Variants in LRRC4C observed in about 807,000 individuals in gnomAD.
LRRC4C encodes the protein leucine-rich repeat-containing protein 4C.
A neutral mutation model predicts 33.6 loss-of-function variants in LRRC4C; 5 were observed. The observed-to-expected ratio is 0.15, with a 90% CI of 0.08 to 0.31. The LOEUF is 0.31. Among genes scored for constraint, LRRC4C ranks in the 10% least tolerant of loss-of-function variants. LRRC4C has a pLI of 1.00. For synonymous variants in LRRC4C, 329 were observed against 302.0 expected, an observed-to-expected ratio of 1.09 and a Z score of -0.93; for missense variants, 560 against 796.7, an observed-to-expected ratio of 0.70 and a Z score of 3.58.
intron 3 of LRRC4C, among the ~76,000 whole-genome samples, chr11:40,334,038 C>T (rs1442245625): frequency 6.6e-6 from 1 of 152,020 alleles, no homozygotes; most frequent in African/African-American, 2.4e-5. Context: ...ACATAAACAA[C>T]AACAACAAAA....
intron 6 of LRRC4C, among the ~76,000 whole-genome samples, chr11:40,140,527 C>G (rs1256256286): frequency 1.3e-5 from 2 of 152,054 alleles, no homozygotes; most frequent in Admixed American, 6.6e-5. Context: ...TCGAGTCAAG[C>G]AGGGAACATG....
rs538422962 is a variant in LRRC4C at position 40,488,437 on chromosome 11, C to CT, written c.-270+159704dup. 1.5e-3 allele frequency among the ~76,000 whole-genome samples: 234 copies of CT among 152,176 alleles called. 1 individual carries two copies. Among genetic ancestry groups the CT allele is most frequent in the Non-Finnish European group, 2.5e-3 (170 of 67,972 alleles). On this transcript the variant is annotated intron_variant, in intron 3 of 6. Coordinates refer to ENST00000528697, the MANE Select transcript of LRRC4C (RefSeq NM_001258419.2). ...CACATTCTCATGGGGGAAATAGAGT[C>CT]TTTTTTATCAGCACTTTTTGGATAA...
At chr11:40,155,064 G>A (rs973488500) in intron 5 of LRRC4C, among the ~76,000 whole-genome samples, 1 of 151,804 alleles carries the variant, frequency 6.6e-6, no homozygotes, top group African/African-American at 2.4e-5. Flanking sequence ...TTTAAAATAG[G>A]TGGAAATAAA....
chr11:40,563,371 T>C (rs533565022), intron 3 of LRRC4C, among the ~76,000 whole-genome samples: 2 of 152,112 alleles, frequency 1.3e-5, no homozygotes, highest in South Asian at 4.2e-4. Flanking sequence ...CTGGTGGAGA[T>C]GAATGCCCTT....
At chr11:40,731,341 A>AATAAATAC (rs146646354) in intron 2 of LRRC4C, among the ~76,000 whole-genome samples, 12 of 151,170 alleles carry the variant, frequency 7.9e-5, no homozygotes, top group South Asian at 2.1e-4. Context: ...TAAATAAATA[A>AATAAATAC]AGTGTGAGGC....
intron 3 of LRRC4C, among the ~76,000 whole-genome samples, chr11:40,359,277 G>A (rs1203738220): frequency 6.6e-6 from 1 of 152,160 alleles, no homozygotes; most frequent in Non-Finnish European, 1.5e-5. Flanking sequence ...TATCTTCTGT[G>A]CCAGAGACAA....
At chr11:41,060,049 T>G (rs534012840) in intron 1 of LRRC4C, among the ~76,000 whole-genome samples, 14 of 152,190 alleles carry the variant, frequency 9.2e-5, no homozygotes, top group African/African-American at 3.4e-4. Context: ...CTGCACTGAG[T>G]GTAGCAAATA....
intron 2 of LRRC4C, among the ~76,000 whole-genome samples, chr11:40,859,771 TG>T (rs1953982436): frequency 6.6e-6 from 1 of 152,196 alleles, no homozygotes. Context: ...AGTGAAGTGC[TG>T]ATACATATTA....
At chr11:40,817,898 A>G (rs1951770485) in intron 2 of LRRC4C, among the ~76,000 whole-genome samples, 2 of 152,072 alleles carry the variant, frequency 1.3e-5, no homozygotes, top group Admixed American at 1.3e-4. Flanking sequence ...CATAACACAC[A>G]TTGCTGTCTG....
At chr11:40,249,390 T>G (rs1866599134) in intron 4 of LRRC4C, among the ~76,000 whole-genome samples, 1 of 151,910 alleles carries the variant, frequency 6.6e-6, no homozygotes, top group Non-Finnish European at 1.5e-5. Flanking sequence ...ATTAGTCTCA[T>G]TTCCCAATAA....
chr11:41,170,274 C>G (rs971254251), intron 1 of LRRC4C, among the ~76,000 whole-genome samples: 1 of 151,962 alleles, frequency 6.6e-6, no homozygotes, highest in Non-Finnish European at 1.5e-5. Flanking sequence ...CATATGGAAC[C>G]AAAAAAGAGC....
At chr11:40,221,289 G>C (rs1261513221) in intron 5 of LRRC4C, among the ~76,000 whole-genome samples, 1 of 152,128 alleles carries the variant, frequency 6.6e-6, no homozygotes, top group Non-Finnish European at 1.5e-5. Flanking sequence ...GACTTGTAAT[G>C]ATTTGTATTT....
At chr11:40,512,994 A>G (rs965779318) in intron 3 of LRRC4C, among the ~76,000 whole-genome samples, 3 of 152,130 alleles carry the variant, frequency 2.0e-5, no homozygotes, top group Non-Finnish European at 4.4e-5. Context: ...TCATGCCTGT[A>G]ATCCCAGCAC....
intron 1 of LRRC4C, among the ~76,000 whole-genome samples, chr11:41,206,305 C>T (rs11036288): frequency 0.073 from 11,038 of 152,170 alleles, 1,137 homozygotes; most frequent in East Asian, 0.34. Context: ...TTAGAAAAAG[C>T]TGTTTCTCAC....
intron 1 of LRRC4C, among the ~76,000 whole-genome samples, chr11:40,942,643 T>C (rs554654133): frequency 1.3e-5 from 2 of 152,246 alleles, no homozygotes; most frequent in African/African-American, 2.4e-5. Flanking sequence ...AGGTGAGTTA[T>C]ACAAAGTGGT....
intron 3 of LRRC4C, among the ~76,000 whole-genome samples, chr11:40,602,209 A>AC (rs1960088040): frequency 1.8e-5 from 2 of 110,216 alleles, no homozygotes; most frequent in South Asian, 5.5e-4. Context: ...AAAAAAAAAA[A>AC]AGAAAAAAAA....
intron 3 of LRRC4C, among the ~76,000 whole-genome samples, chr11:40,492,653 T>C (rs1212677443): frequency 6.6e-6 from 1 of 152,162 alleles, no homozygotes; most frequent in African/African-American, 2.4e-5. Flanking sequence ...AAAATCTTTC[T>C]AGGTAATAGA....
intron 1 of LRRC4C, among the ~76,000 whole-genome samples, chr11:41,451,422 A>T (rs1179606207): frequency 6.6e-6 from 1 of 152,046 alleles, no homozygotes; most frequent in Non-Finnish European, 1.5e-5. Flanking sequence ...GTGCTGGACA[A>T]ATTAGTCTTG....
chr11:40,682,805 T>C (rs1460467542), intron 2 of LRRC4C, among the ~76,000 whole-genome samples: 2 of 150,772 alleles, frequency 1.3e-5, no homozygotes, highest in Non-Finnish European at 3.0e-5. Context: ...GTTTATACAC[T>C]CTTTCACAAC....
Sources: gnomAD v4.1 joint callset for allele counts (sites outside exome capture counted in the v4.1 genomes callset) on GRCh38, gnomAD v4.1.1 for gene constraint, MANE v1.5 for transcripts, NCBI Gene and HGNC (gene_info 2026-07-23, HGNC 2026-07-21) for gene names.